NKAIN3: variants seen among roughly 807,000 people sequenced by gnomAD.
NKAIN3 encodes the protein sodium/potassium-transporting ATPase subunit beta-1-interacting protein 3.
A neutral mutation model predicts 30.2 loss-of-function variants in NKAIN3; 25 were observed. That is an observed-to-expected ratio of 0.83 (90% confidence interval 0.60 to 1.16). The LOEUF is 1.16. NKAIN3 is among the 50% of genes most tolerant of loss of function. The pLI is 0.00. For missense variants in NKAIN3, 225 were observed against 254.1 expected, an observed-to-expected ratio of 0.89 and a Z score of 0.78; for synonymous variants, 91 against 89.6, an observed-to-expected ratio of 1.02 and a Z score of -0.09.
chr8:62,713,153 G>A (rs1392120689), intron 3 of NKAIN3, among the ~76,000 whole-genome samples: 1 of 152,164 alleles, frequency 6.6e-6, no homozygotes, highest in African/African-American at 2.4e-5. Context: ...GCTTGCACCT[G>A]AGGTCTGAGT....
In NKAIN3 at chr8:62,968,033, T is replaced by A. The variant is rs1475918562; in HGVS notation, c.*2626T>A. 6.6e-6 allele frequency among the ~76,000 whole-genome samples: 1 copy of A among 152,186 alleles called. No homozygotes were observed. Among genetic ancestry groups the A allele is most frequent in the Non-Finnish European group, 1.5e-5 (1 of 68,040 alleles). On this transcript the variant is annotated 3_prime_UTR_variant, in exon 7 of 7. Transcript: ENST00000623646. Reference sequence around the variant, plus strand: ...ATATGTTTTCATTTTTAATCTTTCTTCACTTAAATATGAAGTTATAACTGT... The same window carrying A: ...ATATGTTTTCATTTTTAATCTTTCTACACTTAAATATGAAGTTATAACTGT...
chr8:62,608,135 C>A (rs192954511), intron 3 of NKAIN3, among the ~76,000 whole-genome samples: 27 of 152,242 alleles, frequency 1.8e-4, no homozygotes, highest in Admixed American at 1.6e-3. Flanking sequence ...TCTTTTCACC[C>A]TTTCTATATT....
chr8:62,280,352 T>C (rs1387009826), intron 1 of NKAIN3, among the ~76,000 whole-genome samples: 1 of 152,160 alleles, frequency 6.6e-6, no homozygotes. Flanking sequence ...TTTTCCTAAT[T>C]GCATATCCTT....
rs980937513 is a variant in NKAIN3, at chr8:62,309,191, A to G, written c.54+60064A>G. ...TTAAGTCTGAATTTTTAAAAATAATATTTGTACACCTGTTATATGTCCAAA... is the reference window on the plus strand; with the variant it reads ...TTAAGTCTGAATTTTTAAAAATAATGTTTGTACACCTGTTATATGTCCAAA... On this transcript the variant is annotated intron_variant, in intron 1 of 6. Transcript: ENST00000623646. Among the ~76,000 whole-genome samples, 11 of 150,728 alleles carry G rather than the reference A, an allele frequency of 7.3e-5. 2 individuals carry two copies. Among genetic ancestry groups the G allele is most frequent in the African/African-American group, 1.5e-4 (6 of 40,070 alleles).
chr8:62,768,677 C>T (rs541530798), intron 4 of NKAIN3, among the ~76,000 whole-genome samples: 4 of 152,146 alleles, frequency 2.6e-5, no homozygotes, highest in Non-Finnish European at 5.9e-5. Context: ...TCCAACATAA[C>T]CTACTCCAAC....
intron 3 of NKAIN3, among the ~76,000 whole-genome samples, chr8:62,719,194 G>A (rs955311010): frequency 6.6e-6 from 1 of 152,176 alleles, no homozygotes. Flanking sequence ...AAAAGCAGGT[G>A]TGCGGTTGAC....
intron 3 of NKAIN3, among the ~76,000 whole-genome samples, chr8:62,680,461 A>G (rs1454704117): frequency 6.6e-6 from 1 of 152,206 alleles, no homozygotes; most frequent in Non-Finnish European, 1.5e-5. Flanking sequence ...GACATCTTAT[A>G]ATTGACCCAT....
At chr8:62,915,904 G>T (rs1039913652) in intron 4 of NKAIN3, among the ~76,000 whole-genome samples, 7 of 152,044 alleles carry the variant, frequency 4.6e-5, no homozygotes, top group Non-Finnish European at 7.4e-5. Flanking sequence ...AACCTCTGAG[G>T]TAATTCACAA....
At chr8:62,301,694 AT>A (rs1323424610) in intron 1 of NKAIN3, among the ~76,000 whole-genome samples, 1 of 152,088 alleles carries the variant, frequency 6.6e-6, no homozygotes, top group Non-Finnish European at 1.5e-5. Context: ...TCAAAACAGC[AT>A]TTTGTAGGTT....
intron 4 of NKAIN3, among the ~76,000 whole-genome samples, chr8:62,754,299 T>C (rs1816379496): frequency 6.6e-6 from 1 of 152,034 alleles, no homozygotes. Context: ...TTAAGTCCCT[T>C]TTTAATTTTC....
At chr8:62,534,861 G>GTTTT (rs56262159) in intron 1 of NKAIN3, among the ~76,000 whole-genome samples, 9 of 148,496 alleles carry the variant, frequency 6.1e-5, no homozygotes, top group East Asian at 2.0e-4. Flanking sequence ...GCATTTATTG[G>GTTTT]TTTTTTTTTT....
intron 4 of NKAIN3, among the ~76,000 whole-genome samples, chr8:62,786,521 C>G (rs1402810861): frequency 6.6e-6 from 1 of 151,572 alleles, no homozygotes; most frequent in Non-Finnish European, 1.5e-5. Flanking sequence ...AATTACCTAG[C>G]AAAGTTGAAA....
chr8:62,312,236 G>A (rs1252759807), intron 1 of NKAIN3, among the ~76,000 whole-genome samples: 1 of 150,696 alleles, frequency 6.6e-6, no homozygotes, highest in Non-Finnish European at 1.5e-5. Flanking sequence ...GAGTTATGTA[G>A]CAGTTTTATT....
rs113907744 is a variant in NKAIN3 at position 62,321,643 on chromosome 8, A to G, written c.54+72516A>G. Among the ~76,000 whole-genome samples the G allele has an allele frequency of 9.0e-3, 1,367 of 152,328 alleles. 30 individuals carry two copies. The highest frequency in any genetic ancestry group is 0.031 in the African/African-American group (1,291 of 41,576). ...TCAGCAGCGGAGGCTGCAGAACAGC[A>G]GATATTGGTGAACAGCAAATGTTGC... On this transcript the variant is annotated intron_variant, in intron 1 of 6. Coordinates refer to ENST00000623646, the MANE Select transcript of NKAIN3 (RefSeq NM_001304533.3).
At chr8:62,850,961 A>G (rs1419965881) in intron 4 of NKAIN3, among the ~76,000 whole-genome samples, 4 of 151,968 alleles carry the variant, frequency 2.6e-5, no homozygotes, top group Admixed American at 6.6e-5. Context: ...TTCCATATGA[A>G]CTTTAAAGTA....
rs1231578885 is a variant in NKAIN3 at position 62,907,254 on chromosome 8, T to C, written c.472-11199T>C. On this transcript the variant is annotated intron_variant, in intron 4 of 6. Transcript: ENST00000623646. ...TCTAAGCAACAAAGCATTTAAGAGG[T>C]GATTTGGTGCTGCTAAGTATTAATA... Among the ~76,000 whole-genome samples the C allele has an allele frequency of 2.0e-5, 3 of 151,982 alleles. No individual in the cohort carries two copies. In the East Asian group the frequency reaches 5.8e-4, roughly 29 times the overall value.
chr8:62,385,599 G>A (rs1817402865), intron 1 of NKAIN3, among the ~76,000 whole-genome samples: 1 of 152,124 alleles, frequency 6.6e-6, no homozygotes, highest in African/African-American at 2.4e-5. Flanking sequence ...TTTGGCAAAT[G>A]CATAACATCA....
chr8:62,658,253 A>T (rs1812824620), intron 3 of NKAIN3, among the ~76,000 whole-genome samples: 1 of 152,132 alleles, frequency 6.6e-6, no homozygotes, highest in Non-Finnish European at 1.5e-5. Flanking sequence ...GGCATTAAGG[A>T]TCCTTATTAC....
chr8:62,298,456 T>C (rs1003430803), intron 1 of NKAIN3, among the ~76,000 whole-genome samples: 4 of 152,176 alleles, frequency 2.6e-5, no homozygotes, highest in African/African-American at 7.2e-5. Context: ...TACCAACTAC[T>C]TCCCACCACA....
Sources: gnomAD v4.1 joint callset for allele counts (sites outside exome capture counted in the v4.1 genomes callset) on GRCh38, gnomAD v4.1.1 for gene constraint, MANE v1.5 for transcripts, NCBI Gene and HGNC (gene_info 2026-07-23, HGNC 2026-07-21) for gene names.